Variants in CNBD1 observed in about 807,000 individuals in gnomAD.
CNBD1 encodes the protein cyclic nucleotide-binding domain-containing protein 1.
CNBD1 carries 71 observed loss-of-function variants against 54.4 expected under a neutral mutation model. The observed-to-expected ratio is 1.30, with a 90% CI of 1.08 to 1.59. CNBD1 has a LOEUF of 1.59. CNBD1 is among the 40% of genes most tolerant of loss of function. CNBD1 has a pLI of 0.00. For missense variants in CNBD1, 659 were observed against 518.0 expected (o/e 1.27, Z -2.64); for synonymous variants, 182 against 170.7 (o/e 1.07, Z -0.51).
chr8:87,086,083 A>G (rs1471980129), intron 4 of CNBD1, among the ~76,000 whole-genome samples: 1 of 152,158 alleles, frequency 6.6e-6, no homozygotes, highest in Non-Finnish European at 1.5e-5. Flanking sequence ...TGGGTCTCTC[A>G]TCTAAGTTCC....
intron 2 of CNBD1, among the ~76,000 whole-genome samples, chr8:87,388,533 C>G (rs1044859718): frequency 1.3e-5 from 2 of 152,202 alleles, no homozygotes; most frequent in African/African-American, 4.8e-5. Context: ...CACATACACA[C>G]TCCCAAGACT....
chr8:87,228,502 G>A (rs1427975832), intron 5 of CNBD1, among the ~76,000 whole-genome samples: 1 of 149,570 alleles, frequency 6.7e-6, no homozygotes, highest in Non-Finnish European at 1.5e-5. Context: ...ACCCTGCGGT[G>A]TGAGGTGTCA....
At chr8:87,173,667 T>A (rs1692758314) in intron 4 of CNBD1, among the ~76,000 whole-genome samples, 1 of 151,740 alleles carries the variant, frequency 6.6e-6, no homozygotes, top group East Asian at 1.9e-4. Flanking sequence ...ATATGTTATT[T>A]TTTTTTTTCG....
At chr8:87,371,765 A>C (rs958639374) in intron 10 of CNBD1, among the ~76,000 whole-genome samples, 1 of 152,020 alleles carries the variant, frequency 6.6e-6, no homozygotes, top group African/African-American at 2.4e-5. Flanking sequence ...GATGCAGAAA[A>C]GGCCTTTGAC....
chr8:87,049,392 A>C (rs1163423353), intron 4 of CNBD1, among the ~76,000 whole-genome samples: 1 of 152,174 alleles, frequency 6.6e-6, no homozygotes, highest in East Asian at 1.9e-4. Flanking sequence ...ATCAGTATAA[A>C]TGTTAACTGC....
At chr8:87,408,586 G>A (rs1319884783) in intron 2 of CNBD1, among the ~76,000 whole-genome samples, 1 of 151,810 alleles carries the variant, frequency 6.6e-6, no homozygotes, top group African/African-American at 2.4e-5. Flanking sequence ...AGGCATACTT[G>A]TACTCATTCC....
At chr8:87,376,976 T>C (rs13256194) in intron 10 of CNBD1, among the ~76,000 whole-genome samples, 42,125 of 150,472 alleles carry the variant, frequency 0.28, 6,624 homozygotes, top group Middle Eastern at 0.41. Flanking sequence ...CTGGCTCATA[T>C]ACAATACTAA....
chr8:87,219,983 TATC>T (rs924857849), intron 5 of CNBD1, among the ~76,000 whole-genome samples: 19 of 152,122 alleles, frequency 1.2e-4, no homozygotes, highest in Non-Finnish European at 2.1e-4. Flanking sequence ...AAAGTTTAAT[TATC>T]ATAAATTCCT....
chr8:87,162,871 C>T (rs1004354286), intron 4 of CNBD1, among the ~76,000 whole-genome samples: 1 of 152,028 alleles, frequency 6.6e-6, no homozygotes, highest in Non-Finnish European at 1.5e-5. Context: ...GAAGAGAGAC[C>T]TTTAAGAGGT....
At chr8:86,905,253 C>T (rs2131808664) in intron 3 of CNBD1, 59 bp downstream of exon 3, 1 of 978,682 alleles carries the variant, frequency 1.0e-6, no homozygotes, top group Non-Finnish European at 1.6e-6. Context: ...TGCTTGTGCT[C>T]ACACAAGTTG....
intron 4 of CNBD1, among the ~76,000 whole-genome samples, chr8:87,056,637 A>G (rs1810422556): frequency 6.6e-6 from 1 of 152,146 alleles, no homozygotes; most frequent in Non-Finnish European, 1.5e-5. Flanking sequence ...TGACCAAAAA[A>G]GTCCCTCAAC....
At chr8:87,205,894 A>T in intron 4 of CNBD1, 99 bp from the exon 5 acceptor site, 1 of 1,018,028 alleles carries the variant, frequency 9.8e-7, no homozygotes, top group Non-Finnish European at 1.3e-6. Context: ...CCTTAACTAA[A>T]CAGAAAATAC....
intron 6 of CNBD1, among the ~76,000 whole-genome samples, chr8:87,282,479 G>A (rs185025775): frequency 6.6e-6 from 1 of 151,330 alleles, no homozygotes; most frequent in African/African-American, 2.4e-5. Context: ...ACTCTAAATT[G>A]CTATTTCAAG....
chr8:86,990,170 G>T (rs138460588), intron 4 of CNBD1, among the ~76,000 whole-genome samples: 409 of 152,170 alleles, frequency 2.7e-3, no homozygotes, highest in Middle Eastern at 0.01. Flanking sequence ...TTTGCTGATT[G>T]TTTCCTTTGC....
intron 2 of CNBD1, among the ~76,000 whole-genome samples, chr8:86,895,345 T>C (rs760071543): frequency 6.6e-6 from 1 of 152,112 alleles, no homozygotes; most frequent in African/African-American, 2.4e-5. Context: ...TACCACAGTG[T>C]TTTTATCCAT....
At chr8:87,097,153 CAA>C (rs1458188691) in intron 4 of CNBD1, among the ~76,000 whole-genome samples, 2 of 152,160 alleles carry the variant, frequency 1.3e-5, no homozygotes, top group Non-Finnish European at 2.9e-5. Context: ...TTTCCTTGTG[CAA>C]TGAGTCTTGT....
At chr8:87,228,436 T>C (rs1462395823) in intron 5 of CNBD1, among the ~76,000 whole-genome samples, 5 of 148,950 alleles carry the variant, frequency 3.4e-5, no homozygotes, top group Middle Eastern at 3.2e-3. Context: ...ATGTCCTTTC[T>C]GTTTGTTAGT....
chr8:86,890,916 C>G (rs1379308499), intron 2 of CNBD1, among the ~76,000 whole-genome samples: 1 of 151,476 alleles, frequency 6.6e-6, no homozygotes, highest in Non-Finnish European at 1.5e-5. Flanking sequence ...AGTAGGTGTT[C>G]AAAAACTCTG....
chr8:86,952,014 A>T (rs891407487), intron 4 of CNBD1, among the ~76,000 whole-genome samples: 2 of 152,210 alleles, frequency 1.3e-5, no homozygotes, highest in African/African-American at 4.8e-5. Flanking sequence ...GCTCACTGAG[A>T]TAAATGCATA....
Sources: gnomAD v4.1 joint callset for allele counts (sites outside exome capture counted in the v4.1 genomes callset) on GRCh38, gnomAD v4.1.1 for gene constraint, MANE v1.5 for transcripts, NCBI Gene and HGNC (gene_info 2026-07-23, HGNC 2026-07-21) for gene names.